GBE1: variants seen among roughly 807,000 people sequenced by gnomAD.
The protein encoded by GBE1 is 1,4-alpha-glucan branching enzyme 1.
Under a neutral mutation model 88.8 loss-of-function variants are expected in GBE1, and 70 were observed. The ratio of observed to expected loss-of-function variants is 0.79; its 90% CI spans 0.65 to 0.96. The LOEUF (loss-of-function observed/expected upper bound fraction) is 0.96. Ranked by LOEUF, GBE1 falls within the 40% of genes least tolerant of loss-of-function variation. The pLI is 0.00. For synonymous variants in GBE1, 284 were observed against 300.1 expected (o/e 0.95, Z 0.56); for missense variants, 872 against 871.0 (o/e 1.00, Z -0.01).
At chr3:81,601,890 C>T (rs1704037665) in intron 7 of GBE1, among the ~76,000 whole-genome samples, 1 of 152,054 alleles carries the variant, frequency 6.6e-6, no homozygotes, top group Non-Finnish European at 1.5e-5. Context: ...CTGCTTTGTA[C>T]CAGGCACAAT....
At chr3:81,639,095 T>C (rs2107051718) in intron 7 of GBE1, among the ~76,000 whole-genome samples, 1 of 152,304 alleles carries the variant, frequency 6.6e-6, no homozygotes, top group Non-Finnish European at 1.5e-5. Context: ...TTGTAATTTC[T>C]GATTTCATCT....
chr3:81,700,912 C>A (rs930642734), intron 2 of GBE1, among the ~76,000 whole-genome samples: 1 of 152,002 alleles, frequency 6.6e-6, no homozygotes, highest in Non-Finnish European at 1.5e-5. Context: ...AAATGCTTTC[C>A]GTTATAGCAA....
intron 7 of GBE1, among the ~76,000 whole-genome samples, chr3:81,634,676 AT>A (rs1432818153): frequency 6.6e-5 from 10 of 152,198 alleles, no homozygotes; most frequent in Non-Finnish European, 1.3e-4. Flanking sequence ...TTTACTTTAC[AT>A]AAAATATATC....
rs531230066 is a variant in GBE1 at position 81,688,562 on chromosome 3, C to A, written c.313+16882G>T. On this transcript the variant is annotated intron_variant, in intron 2 of 15. Coordinates refer to ENST00000429644, the MANE Select transcript of GBE1 (RefSeq NM_000158.4). ...TTTGCAAATAAGCATAAATAGTATT[C>A]TTTTAATAAGACTCCATTATATACT... 2.0e-5 allele frequency among the ~76,000 whole-genome samples: 3 copies of A among 152,188 alleles called. No homozygotes were observed. The South Asian group carries it at 6.2e-4, about 32-fold the overall frequency.
chr3:81,530,182 C>A (rs1702993938), intron 14 of GBE1, among the ~76,000 whole-genome samples: 1 of 151,842 alleles, frequency 6.6e-6, no homozygotes, highest in Non-Finnish European at 1.5e-5. Flanking sequence ...AAAAGCATTT[C>A]AATCTCTCTG....
chr3:81,518,310 T>G (rs1246743744), intron 14 of GBE1, among the ~76,000 whole-genome samples: 1 of 151,304 alleles, frequency 6.6e-6, no homozygotes, highest in Non-Finnish European at 1.5e-5. Flanking sequence ...CTGTTAAATA[T>G]TTGACAGCAC....
At chr3:81,493,569 G>A (rs973425310) in intron 15 of GBE1, among the ~76,000 whole-genome samples, 1 of 146,036 alleles carries the variant, frequency 6.8e-6, no homozygotes, top group Admixed American at 6.9e-5. Context: ...TTTCGCTCTT[G>A]TTACCCAGGC....
chr3:81,624,344 G>A (rs1185592975), intron 7 of GBE1, among the ~76,000 whole-genome samples: 2 of 152,140 alleles, frequency 1.3e-5, no homozygotes, highest in East Asian at 3.9e-4. Flanking sequence ...CATTCAAGAT[G>A]AGATCTGGGT....
intron 3 of GBE1, among the ~76,000 whole-genome samples, chr3:81,653,055 T>TA (rs1704873561): frequency 6.6e-6 from 1 of 152,172 alleles, no homozygotes; most frequent in South Asian, 2.1e-4. Context: ...AGCTAATGTT[T>TA]AAAAGAGTTC....
intron 7 of GBE1, among the ~76,000 whole-genome samples, chr3:81,629,601 C>T (rs1704476444): frequency 6.6e-6 from 1 of 152,168 alleles, no homozygotes; most frequent in Non-Finnish European, 1.5e-5. Context: ...CAAGAGCCTT[C>T]AGACTACTTG....
In GBE1 at chr3:81,573,635, A is replaced by G. The variant is rs1015610715; in HGVS notation, c.1618+4290T>C. Among the ~76,000 whole-genome samples the G allele has an allele frequency of 1.2e-4, 18 of 152,354 alleles. 1 individual carries two copies. The highest frequency in any genetic ancestry group is 4.3e-4 in the African/African-American group (18 of 41,592). On this transcript the variant is annotated intron_variant, in intron 12 of 15. Coordinates refer to ENST00000429644, the MANE Select transcript of GBE1 (RefSeq NM_000158.4). ...AGATACATATAAATGTCTTAAGCAT[A>G]AAGAAATCTTACAACATTTTAGAAT...
chr3:81,728,320 A>G (rs1456257455), intron 1 of GBE1, among the ~76,000 whole-genome samples: 1 of 152,158 alleles, frequency 6.6e-6, no homozygotes. Context: ...CTGAAGTAGG[A>G]CTCCTATAGA....
chr3:81,650,032 C>G, intron 3 of GBE1, 111 bp from the exon 4 acceptor site: 1 of 792,260 alleles, frequency 1.3e-6, no homozygotes, highest in Non-Finnish European at 2.0e-6. Flanking sequence ...TCTTAAGAAT[C>G]TAGACCACCA....
intron 3 of GBE1, 120 bp from the exon 4 acceptor site, chr3:81,650,041 C>T (rs1369169815): frequency 2.8e-6 from 2 of 703,974 alleles, no homozygotes; most frequent in Admixed American, 6.3e-5. Flanking sequence ...TCTAGACCAC[C>T]ATACAGATGT....
At chr3:81,692,644 T>A (rs183448917) in intron 2 of GBE1, among the ~76,000 whole-genome samples, 9 of 152,350 alleles carry the variant, frequency 5.9e-5, no homozygotes, top group Admixed American at 4.6e-4. Flanking sequence ...TTTCTTTATA[T>A]GTTCATTGTA....
At chr3:81,724,878 T>C (rs895846558) in intron 1 of GBE1, among the ~76,000 whole-genome samples, 1 of 152,212 alleles carries the variant, frequency 6.6e-6, no homozygotes, top group African/African-American at 2.4e-5. Context: ...AACTTACATA[T>C]TACTCTCAAA....
intron 1 of GBE1, among the ~76,000 whole-genome samples, chr3:81,736,304 T>G (rs1287213089): frequency 6.6e-6 from 1 of 152,182 alleles, no homozygotes; most frequent in Non-Finnish European, 1.5e-5. Flanking sequence ...CGTTAAGGGA[T>G]CTCAACCACA....
intron 9 of GBE1, among the ~76,000 whole-genome samples, chr3:81,589,457 T>G (rs1316192491): frequency 6.6e-6 from 1 of 151,764 alleles, no homozygotes; most frequent in Non-Finnish European, 1.5e-5. Context: ...AGTGACGTAT[T>G]GAAATTGAAG....
intron 1 of GBE1, among the ~76,000 whole-genome samples, chr3:81,758,636 TAAC>T (rs1167144897): frequency 6.6e-6 from 1 of 152,216 alleles, no homozygotes; most frequent in Non-Finnish European, 1.5e-5. Context: ...AATTGTAGTG[TAAC>T]AACAAGTAAA....
Sources: allele counts gnomAD v4.1 joint callset (sites outside exome capture counted in the v4.1 genomes callset), GRCh38; gene constraint gnomAD v4.1.1; transcripts MANE v1.5; gene names NCBI Gene and HGNC (gene_info 2026-07-23, HGNC 2026-07-21).